Variants in LUZP2 observed in about 807,000 individuals in gnomAD.
The protein encoded by LUZP2 is leucine zipper protein 2.
LUZP2 carries 52 observed loss-of-function variants against 51.6 expected under a neutral mutation model. The observed-to-expected ratio is 1.01, with a 90% CI of 0.81 to 1.27. LUZP2 has a LOEUF of 1.27. Ranked by LOEUF, LUZP2 falls within the 50% of genes most tolerant of loss-of-function variation. The probability of loss-of-function intolerance (pLI) is 0.00; values close to 1 mark genes in which losing one functional copy is unlikely to be tolerated. For missense variants in LUZP2, 436 were observed against 395.4 expected (o/e 1.10, Z -0.87); for synonymous variants, 154 against 137.3 (o/e 1.12, Z -0.85).
intron 1 of LUZP2, among the ~76,000 whole-genome samples, chr11:24,552,403 AATAAGCAAAT>A (rs1413947338): frequency 6.6e-6 from 1 of 152,016 alleles, no homozygotes; most frequent in African/African-American, 2.4e-5. Flanking sequence ...ACAAACATTA[AATAAGCAAAT>A]ATATAAGCCC....
intron 1 of LUZP2, among the ~76,000 whole-genome samples, chr11:24,527,563 T>A (rs567463174): frequency 0.092 from 10,715 of 116,322 alleles, 462 homozygotes; most frequent in Admixed American, 0.15. Flanking sequence ...TCTCTCTCTC[T>A]CTCTCACACA....
At chr11:24,945,690 T>C (rs967673420) in intron 7 of LUZP2, among the ~76,000 whole-genome samples, 4 of 152,130 alleles carry the variant, frequency 2.6e-5, no homozygotes, top group African/African-American at 9.7e-5. Context: ...ATAGAGGTGT[T>C]ACATTTCTCA....
chr11:24,895,011 G>A (rs890447545), intron 5 of LUZP2, among the ~76,000 whole-genome samples: 1 of 152,114 alleles, frequency 6.6e-6, no homozygotes, highest in African/African-American at 2.4e-5. Flanking sequence ...ATCTAACTTG[G>A]TTACAGCAAA....
At chr11:24,923,083 C>T (rs1398174214) in intron 7 of LUZP2, among the ~76,000 whole-genome samples, 1 of 151,640 alleles carries the variant, frequency 6.6e-6, no homozygotes, top group African/African-American at 2.4e-5. Context: ...CTCCTGACCT[C>T]GTGATCCGCC....
chr11:24,635,814 G>T (rs1855081573), intron 1 of LUZP2, among the ~76,000 whole-genome samples: 1 of 152,114 alleles, frequency 6.6e-6, no homozygotes, highest in South Asian at 2.1e-4. Context: ...GGATCTCAAT[G>T]CCTTAAGAGG....
intron 5 of LUZP2, among the ~76,000 whole-genome samples, chr11:24,847,263 A>T (rs570609739): frequency 3.2e-4 from 46 of 144,248 alleles, no homozygotes; most frequent in African/African-American, 6.6e-4. Flanking sequence ...ATATATATAT[A>T]TTTTTTTCCT....
At chr11:24,730,452 A>T (rs940751004) in intron 2 of LUZP2, among the ~76,000 whole-genome samples, 2 of 151,768 alleles carry the variant, frequency 1.3e-5, no homozygotes, top group Non-Finnish European at 2.9e-5. Context: ...CAGAGATGGT[A>T]TCAGAATGAA....
chr11:24,986,240 G>T (rs1265598292), intron 9 of LUZP2, among the ~76,000 whole-genome samples: 3 of 151,486 alleles, frequency 2.0e-5, no homozygotes, highest in African/African-American at 7.2e-5. Flanking sequence ...TTAAATACAG[G>T]CATTATTAAA....
intron 5 of LUZP2, among the ~76,000 whole-genome samples, chr11:24,875,745 C>A (rs1382880723): frequency 5.9e-5 from 9 of 152,106 alleles, no homozygotes; most frequent in Non-Finnish European, 1.0e-4. Context: ...CCTATTTCTC[C>A]AAATCCTCTC....
chr11:24,959,326 A>C (rs1009205795), intron 7 of LUZP2, among the ~76,000 whole-genome samples: 1 of 152,086 alleles, frequency 6.6e-6, no homozygotes, highest in African/African-American at 2.4e-5. Context: ...ATGGCATTGA[A>C]TCTATAAATT....
In LUZP2 at chr11:24,858,997, T is replaced by C. The variant is rs575031348; in HGVS notation, c.397-46994T>C. Among the ~76,000 whole-genome samples the C allele has an allele frequency of 2.6e-5, 4 of 152,300 alleles. No individual in the cohort carries two copies. The East Asian group carries it at 7.7e-4, about 29-fold the overall frequency. On this transcript the variant is annotated intron_variant, in intron 5 of 11. Transcript: ENST00000336930. ...GTTATCATTATTGATATATTGTATC[T>C]ACCTCCACTCCAAGCCCACAAATTA...
chr11:24,501,983 T>A (rs1324486051), intron 1 of LUZP2, among the ~76,000 whole-genome samples: 3 of 152,184 alleles, frequency 2.0e-5, no homozygotes, highest in African/African-American at 7.2e-5. Flanking sequence ...ACACTTACTA[T>A]ATGTTATTAG....
chr11:24,511,645 A>G (rs1188869915), intron 1 of LUZP2, among the ~76,000 whole-genome samples: 1 of 152,194 alleles, frequency 6.6e-6, no homozygotes, highest in Non-Finnish European at 1.5e-5. Flanking sequence ...AGGGCGTGCT[A>G]TCTGAGGTGA....
chr11:24,876,027 C>G (rs867022886), intron 5 of LUZP2, among the ~76,000 whole-genome samples: 1 of 151,754 alleles, frequency 6.6e-6, no homozygotes, highest in Admixed American at 6.6e-5. Flanking sequence ...GAGTAGGTTG[C>G]GAAAATTTTC....
At chr11:24,904,986 A>G (rs1433701194) in intron 5 of LUZP2, among the ~76,000 whole-genome samples, 1 of 152,122 alleles carries the variant, frequency 6.6e-6, no homozygotes, top group Non-Finnish European at 1.5e-5. Flanking sequence ...GAAAAATTAG[A>G]CTTTCAGTAA....
At chr11:24,807,793 T>C (rs1438839949) in intron 5 of LUZP2, among the ~76,000 whole-genome samples, 1 of 152,086 alleles carries the variant, frequency 6.6e-6, no homozygotes, top group African/African-American at 2.4e-5. Context: ...GGTCAGAGAA[T>C]TTTTTTATGG....
intron 7 of LUZP2, among the ~76,000 whole-genome samples, chr11:24,942,492 T>C (rs1485456584): frequency 6.6e-6 from 1 of 152,230 alleles, no homozygotes; most frequent in African/African-American, 2.4e-5. Context: ...TTTTCATTTG[T>C]ATATCCTCTT....
At chr11:25,071,105 A>G (rs1257534356) in intron 10 of LUZP2, among the ~76,000 whole-genome samples, 1 of 124,728 alleles carries the variant, frequency 8.0e-6, no homozygotes, top group African/African-American at 2.8e-5. Context: ...AATTTTGTAA[A>G]TCATAAATCT....
At chr11:24,998,855 C>G (rs900995153) in intron 9 of LUZP2, among the ~76,000 whole-genome samples, 2 of 152,038 alleles carry the variant, frequency 1.3e-5, no homozygotes, top group African/African-American at 4.8e-5. Flanking sequence ...GATCACAATA[C>G]TGTCATGCAT....
Sources: gnomAD v4.1 joint callset for allele counts (sites outside exome capture counted in the v4.1 genomes callset) on GRCh38, gnomAD v4.1.1 for gene constraint, MANE v1.5 for transcripts, NCBI Gene and HGNC (gene_info 2026-07-23, HGNC 2026-07-21) for gene names.